The following PPIL2 variants were observed in gnomAD, a reference collection of about 807,000 sequenced individuals.
PPIL2 encodes the protein peptidylprolyl isomerase like 2, also known as RING-type E3 ubiquitin-protein ligase PPIL2.
In PPIL2, 50 loss-of-function variants were observed where a neutral mutation model predicts 75.2. That is an observed-to-expected ratio of 0.66 (90% CI 0.53 to 0.84). The LOEUF is 0.84. Among genes scored for constraint, PPIL2 ranks in the 40% least tolerant of loss-of-function variants. The pLI, the probability that PPIL2 is intolerant of heterozygous loss-of-function variation, is 0.00. For synonymous variants in PPIL2, 245 were observed against 258.8 expected (o/e 0.95, Z 0.51); for missense variants, 590 against 685.0 (o/e 0.86, Z 1.55).
chr22:21,666,058 C>T lies in PPIL2; in HGVS notation c.-42C>T, dbSNP rs201734028. 29 of 1,607,554 alleles carry T rather than the reference C, an allele frequency of 1.8e-5. No individual in the cohort carries two copies. Among genetic ancestry groups the T allele is most frequent in the South Asian group, 2.2e-5 (2 of 90,446 alleles). ...CGGCTCCATGGTCTGAGTTGTCAGCCGTTGTTTTTTCGTGCTCGCTAGTCG... is the reference window on the plus strand; with the variant it reads ...CGGCTCCATGGTCTGAGTTGTCAGCTGTTGTTTTTTCGTGCTCGCTAGTCG... On this transcript the variant is annotated 5_prime_UTR_variant, in exon 1 of 20. Transcript: ENST00000398831.
At chr22:21,670,243 A>T in intron 2 of PPIL2, 2 of 1,207,680 alleles carry the variant, frequency 1.7e-6, no homozygotes, top group Non-Finnish European at 2.3e-6. Context: ...ATGTACATTT[A>T]AATGTTTTTT....
In PPIL2 at chr22:21,666,105, G is replaced by A. The variant is rs1601488691; in HGVS notation, c.6G>A (p.Gly2=). Residue 2 remains glycine (G), a synonymous_variant, in exon 1 of 20, where the codon GGG becomes GGA. Coordinates refer to ENST00000398831, the MANE Select transcript of PPIL2 (RefSeq NM_014337.4). ...GTCGCCGCCGCCGCTCCGCCATGGG[G>A]AAGCGACAGCACCAAAAGGACAAAA... M[G]KRQHQKDKMY... 3 of 1,613,622 alleles carry A rather than the reference G, an allele frequency of 1.9e-6. No individual in the cohort carries two copies. Among genetic ancestry groups the A allele is most frequent in the East Asian group, 4.5e-5 (2 of 44,864 alleles).
Position 21,695,077 on chromosome 22 carries a change from G to A in PPIL2, c.1466+7G>A, listed in dbSNP as rs1461227878. ...ACATCAACCCAGCAGCCACGTGAGT[G>A]CCGCGGGGCTGGCCTCCCTGTTTCC... On this transcript the variant is annotated splice_region_variant and intron_variant, in intron 19 of 19. Coordinates refer to ENST00000398831, the MANE Select transcript of PPIL2 (RefSeq NM_014337.4). The A allele has an allele frequency of 3.1e-6, 5 of 1,598,730 alleles. No homozygotes were observed. The highest frequency in any genetic ancestry group is 4.3e-6 in the Non-Finnish European group (5 of 1,176,436).
chr22:21,683,612 C>T (rs560724450), intron 9 of PPIL2, among the ~76,000 whole-genome samples: 2 of 152,380 alleles, frequency 1.3e-5, no homozygotes, highest in East Asian at 1.9e-4. Context: ...AGAGGTCACT[C>T]GGCCTTGTGC....
intron 7 of PPIL2, among the ~76,000 whole-genome samples, 182 bp downstream of exon 7, chr22:21,681,572 G>A (rs1348981241): frequency 2.0e-5 from 3 of 152,150 alleles, no homozygotes; most frequent in African/African-American, 7.2e-5. Context: ...TTTCAGGCAG[G>A]TCAAAAAAAG....
intron 6 of PPIL2, among the ~76,000 whole-genome samples, chr22:21,681,066 C>G: frequency 6.6e-6 from 1 of 152,046 alleles, no homozygotes; most frequent in South Asian, 2.1e-4. Context: ...CTGAGGAAGA[C>G]GATGCCGGGA....
chr22:21,676,370 CTTT>C (rs1046398321), intron 6 of PPIL2, among the ~76,000 whole-genome samples: 2 of 136,746 alleles, frequency 1.5e-5, no homozygotes, highest in South Asian at 2.3e-4. Context: ...CTCCAAACCT[CTTT>C]TTTTTTTTAT....
In PPIL2 at chr22:21,670,061, G is replaced by A. The variant is rs564318978; in HGVS notation, c.82+99G>A. On this transcript the variant is annotated intron_variant, in intron 2 of 19. Coordinates refer to ENST00000398831, the MANE Select transcript of PPIL2 (RefSeq NM_014337.4). Reference sequence around the variant, plus strand: ...CTGTAAAAATAGACAACAAGAACACGGAAACTATGGTAGACGAATGGGCTG... The same window carrying A: ...CTGTAAAAATAGACAACAAGAACACAGAAACTATGGTAGACGAATGGGCTG... 5.2e-5 allele frequency: 66 copies of A among 1,264,390 alleles called. No individual in the cohort carries two copies. In the African/African-American group the frequency reaches 7.5e-4, roughly 14 times the overall value. The allele number at this position is 1,264,390 out of a possible 1,614,324, so 78.3% of individuals were successfully genotyped here.
intron 13 of PPIL2, 98 bp from the exon 14 acceptor site, chr22:21,687,975 G>C: frequency 6.7e-7 from 1 of 1,484,784 alleles, no homozygotes; most frequent in Non-Finnish European, 9.4e-7. Context: ...CCCAGCCCCT[G>C]TGTGGAGCCA....
At chr22:21,671,342 C>T (rs867623931) in intron 4 of PPIL2, among the ~76,000 whole-genome samples, 7 of 152,188 alleles carry the variant, frequency 4.6e-5, no homozygotes, top group Non-Finnish European at 1.0e-4. Context: ...AAATTTCAGC[C>T]TTATTTTAGA....
At position 21,688,767 on chromosome 22, in the gene PPIL2, G is replaced by A. The variant is rs756945729; in HGVS notation, c.1057G>A (p.Glu353Lys). The A allele has an allele frequency of 3.7e-6, 6 of 1,614,068 alleles. No individual in the cohort carries two copies. The East Asian group carries it at 6.7e-5, about 18-fold the overall frequency. ...ATACTGGGGGAAGCCCTTCAAAGAC[G>A]AGTTCCGGCCCAACCTCTCGCACAC... ...ESYWGKPFKD[E>K]FRPNLSHTGR... The change falls in exon 15 of 20, where the codon GAG (glutamate) becomes AAG (lysine). Residue 353 changes from glutamate (E) to lysine (K), a missense_variant. Glu to Lys is a moderately conservative substitution (Grantham distance 56). Transcript: ENST00000398831.
At chr22:21,681,099 G>C (rs1198924838) in intron 6 of PPIL2, among the ~76,000 whole-genome samples, 200 bp from the exon 7 acceptor site, 5 of 152,164 alleles carry the variant, frequency 3.3e-5, no homozygotes, top group Non-Finnish European at 7.3e-5. Flanking sequence ...GGATGAATAG[G>C]AGTTTCCTAA....
At chr22:21,676,506 G>T (rs2148516742) in intron 6 of PPIL2, among the ~76,000 whole-genome samples, 1 of 151,882 alleles carries the variant, frequency 6.6e-6, no homozygotes, top group East Asian at 1.9e-4. Flanking sequence ...AGAGGACCCT[G>T]CGGCCTTCTG....
chr22:21,680,716 G>C (rs912700969), intron 6 of PPIL2, among the ~76,000 whole-genome samples: 1 of 150,220 alleles, frequency 6.7e-6, no homozygotes, highest in Non-Finnish European at 1.5e-5. Flanking sequence ...TGTAGTCCCA[G>C]CTACTCGGGA....
Position 21,695,406 on chromosome 22 carries a change from A to C in PPIL2, c.1479A>C (p.Ala493=). The change falls in exon 20 of 20, where the codon GCA becomes GCC. Residue 493 remains alanine (A), a synonymous_variant. Coordinates refer to ENST00000398831, the MANE Select transcript of PPIL2 (RefSeq NM_014337.4). ...CTTCTCTTCCCAGGAAGCGAGCAGC[A>C]GAGGAAGAGCCCTCAACCAGTGCCA... is the stretch of plus-strand genomic sequence containing the variant. The part of the protein sequence containing the change: ...YINPAATKRA[A]EEEPSTSATV... The C allele has an allele frequency of 6.2e-7, 1 of 1,608,908 alleles. No homozygotes were observed. Among genetic ancestry groups the C allele is most frequent in the South Asian group, 1.1e-5 (1 of 89,934 alleles).
rs1401703912 is a variant in PPIL2, at chr22:21,693,878, G to A, written c.1196+6G>A. ...AAGCATACCATCTTTGGACGGTAAG[G>A]GAAGCGGCTGTGTGAAGCCTGGGGG... On this transcript the variant is annotated splice_donor_region_variant and intron_variant, in intron 16 of 19. Coordinates refer to ENST00000398831, the MANE Select transcript of PPIL2 (RefSeq NM_014337.4). 6.5e-7 allele frequency: 1 copy of A among 1,535,534 alleles called. No individual in the cohort carries two copies. The highest frequency in any genetic ancestry group is 9.0e-7 in the Non-Finnish European group (1 of 1,108,572).
At chr22:21,672,436 C>T in intron 5 of PPIL2, 55 bp downstream of exon 5, 2 of 1,513,600 alleles carry the variant, frequency 1.3e-6, no homozygotes, top group Non-Finnish European at 1.8e-6. Context: ...CCTCTCACTT[C>T]TCCTTTTGTT....
chr22:21,678,196 T>C (rs1296182782), intron 6 of PPIL2, among the ~76,000 whole-genome samples: 1 of 152,114 alleles, frequency 6.6e-6, no homozygotes, highest in Admixed American at 6.6e-5. Flanking sequence ...CCTTTTTTTT[T>C]CTTTTAAAAC....
intron 6 of PPIL2, among the ~76,000 whole-genome samples, chr22:21,680,625 C>T (rs560280678): frequency 7.9e-5 from 12 of 151,814 alleles, no homozygotes; most frequent in Admixed American, 2.0e-4. Context: ...GTCAGGAGAT[C>T]GAGACCATCC....
Sources: gnomAD v4.1 joint callset for allele counts (sites outside exome capture counted in the v4.1 genomes callset) on GRCh38, gnomAD v4.1.1 for gene constraint, MANE v1.5 for transcripts, NCBI Gene and HGNC (gene_info 2026-07-23, HGNC 2026-07-21) for gene names.